CDC5L: variants seen among roughly 807,000 people sequenced by gnomAD.
The protein encoded by CDC5L is cell division cycle 5 like.
In CDC5L, 18 loss-of-function variants were observed where a neutral mutation model predicts 104.1. The ratio of observed to expected loss-of-function variants is 0.17; its 90% confidence interval spans 0.12 to 0.26. The LOEUF is 0.26. CDC5L is among the 10% of genes least tolerant of loss of function. The pLI is 1.00. For synonymous variants in CDC5L, 331 were observed against 322.7 expected (o/e 1.03, Z -0.28); for missense variants, 673 against 956.9 (o/e 0.70, Z 3.91).
chr6:44,420,288 A>C (rs1318228523), intron 9 of CDC5L, among the ~76,000 whole-genome samples: 1 of 152,052 alleles, frequency 6.6e-6, no homozygotes, highest in South Asian at 2.1e-4. Context: ...CTGTGAAGAC[A>C]TTGCCCTACC....
intron 3 of CDC5L, 31 bp from the exon 4 acceptor site, chr6:44,393,415 G>T (rs375902925): frequency 6.2e-7 from 1 of 1,606,418 alleles, no homozygotes; most frequent in Non-Finnish European, 8.5e-7. Context: ...TGGTACTGTA[G>T]TGTGACTAAC....
intron 7 of CDC5L, among the ~76,000 whole-genome samples, chr6:44,407,255 TTTCA>T (rs1371483992): frequency 6.6e-6 from 1 of 152,216 alleles, no homozygotes; most frequent in Non-Finnish European, 1.5e-5. Flanking sequence ...ACAAACATTC[TTTCA>T]TTCAGCTTAT....
intron 14 of CDC5L, among the ~76,000 whole-genome samples, chr6:44,445,088 A>C (rs920824625): frequency 6.6e-6 from 1 of 152,186 alleles, no homozygotes; most frequent in Non-Finnish European, 1.5e-5. Context: ...CACTGCCCCC[A>C]AAGGGTGCAG....
At chr6:44,446,553 A>G in intron 15 of CDC5L, 54 bp from the exon 16 acceptor site, 1 of 782,022 alleles carries the variant, frequency 1.3e-6, no homozygotes, top group Non-Finnish European at 2.0e-6. Context: ...AGTACTGTAG[A>G]TTTTTTTCAG....
intron 8 of CDC5L, among the ~76,000 whole-genome samples, chr6:44,409,466 C>A (rs1791533158): frequency 6.6e-6 from 1 of 152,302 alleles, no homozygotes; most frequent in East Asian, 1.9e-4. Flanking sequence ...CATTGCTAAA[C>A]CATGAATTAC....
At chr6:44,446,453 A>C (rs1793457899) in intron 15 of CDC5L, among the ~76,000 whole-genome samples, 154 bp from the exon 16 acceptor site, 1 of 152,256 alleles carries the variant, frequency 6.6e-6, no homozygotes, top group Non-Finnish European at 1.5e-5. Flanking sequence ...CTGGTTTTAT[A>C]GCAAAAGTAT....
chr6:44,391,484 G>A (rs1422595158), intron 2 of CDC5L, among the ~76,000 whole-genome samples: 6 of 151,926 alleles, frequency 3.9e-5, no homozygotes, highest in Non-Finnish European at 7.4e-5. Flanking sequence ...TCCTGACCTC[G>A]TGATCCATCC....
Position 44,393,283 on chromosome 6 carries a change from A to G in CDC5L, c.312-163A>G, listed in dbSNP as rs1345439054. On this transcript the variant is annotated intron_variant, in intron 3 of 15. Transcript: ENST00000371477. ...CAGTCACTGAAATCAGCAAATTTTA[A>G]TATCATTTCTTTCAGATGAAGTGAT... Among the ~76,000 whole-genome samples, 3 of 151,266 alleles carry G rather than the reference A, an allele frequency of 2.0e-5. No homozygotes were observed. The East Asian group carries it at 5.8e-4, about 29-fold the overall frequency.
At chr6:44,415,964 A>G (rs538867782) in intron 8 of CDC5L, among the ~76,000 whole-genome samples, 1 of 152,134 alleles carries the variant, frequency 6.6e-6, no homozygotes, top group East Asian at 1.9e-4. Flanking sequence ...TTTTTTGTAA[A>G]ATTTTGATAA....
rs1793587148 is a variant in CDC5L, at chr6:44,449,990, A to G, written c.*3279A>G. On this transcript the variant is annotated 3_prime_UTR_variant, in exon 16 of 16. Coordinates refer to ENST00000371477, the MANE Select transcript of CDC5L (RefSeq NM_001253.4). Reference sequence around the variant, plus strand: ...AGTGATTCTCTGCCTCAGCCTTCCAAGTAGCTGGGACTACAGGCATGTGCC... The same window carrying G: ...AGTGATTCTCTGCCTCAGCCTTCCAGGTAGCTGGGACTACAGGCATGTGCC... 2 of 151,630 alleles carry G rather than the reference A, an allele frequency of 1.3e-5. No homozygotes were observed. The allele number at this position is 151,630 out of a possible 1,614,324, so 9.4% of individuals were successfully genotyped here.
chr6:44,401,273 G>T (rs1791109858), intron 5 of CDC5L, among the ~76,000 whole-genome samples: 4 of 148,730 alleles, frequency 2.7e-5, no homozygotes, highest in African/African-American at 1.0e-4. Context: ...AGTAGGGGAT[G>T]GACAGCAGCC....
In CDC5L at chr6:44,394,539, T is replaced by A. The variant is rs570123311; in HGVS notation, c.439+966T>A. 3.9e-5 allele frequency among the ~76,000 whole-genome samples: 6 copies of A among 152,182 alleles called. No individual in the cohort carries two copies. In the South Asian group the frequency reaches 1.2e-3, roughly 32 times the overall value. ...AGAAAGTATATGGAATCAACCTAAG[T>A]GTCCATTAATGGGTGAATGGATAAA... is the stretch of plus-strand genomic sequence containing the variant. On this transcript the variant is annotated intron_variant, in intron 4 of 15. Transcript: ENST00000371477.
chr6:44,409,287 GA>G (rs1791524500), intron 8 of CDC5L, among the ~76,000 whole-genome samples: 1 of 152,132 alleles, frequency 6.6e-6, no homozygotes, highest in African/African-American at 2.4e-5. Flanking sequence ...GTTACTCATT[GA>G]CCATTTTCAG....
chr6:44,396,528 T>C, intron 5 of CDC5L, 88 bp downstream of exon 5: 3 of 791,644 alleles, frequency 3.8e-6, no homozygotes, highest in Non-Finnish European at 6.1e-6. Context: ...TATGTGGTTT[T>C]TTTTTTTTTT....
At chr6:44,428,240 T>A (rs1792516277) in intron 13 of CDC5L, among the ~76,000 whole-genome samples, 1 of 152,202 alleles carries the variant, frequency 6.6e-6, no homozygotes, top group Non-Finnish European at 1.5e-5. Flanking sequence ...TAACATTGAT[T>A]TGTTTCCATT....
At chr6:44,444,722 CTTGT>C (rs1456249073) in intron 14 of CDC5L, among the ~76,000 whole-genome samples, 1 of 152,046 alleles carries the variant, frequency 6.6e-6, no homozygotes, top group African/African-American at 2.4e-5. Context: ...AAACCACCTC[CTTGT>C]TTTTTTGATC....
At chr6:44,404,711 T>TAAAG (rs1561970110) in intron 6 of CDC5L, among the ~76,000 whole-genome samples, 5 of 152,120 alleles carry the variant, frequency 3.3e-5, no homozygotes, top group Admixed American at 3.3e-4. Flanking sequence ...ATTTTTTTTT[T>TAAAG]TAAGACAAGG....
intron 14 of CDC5L, among the ~76,000 whole-genome samples, chr6:44,432,497 G>A (rs1385241429): frequency 1.3e-5 from 2 of 151,600 alleles, no homozygotes; most frequent in Non-Finnish European, 2.9e-5. Context: ...CAGCTTTGTC[G>A]TGGCTGGTGT....
At chr6:44,409,296 C>T (rs976019635) in intron 8 of CDC5L, among the ~76,000 whole-genome samples, 2 of 152,164 alleles carry the variant, frequency 1.3e-5, no homozygotes, top group Admixed American at 1.3e-4. Context: ...TGACCATTTT[C>T]AGTTTTAGGC....
Sources: allele counts gnomAD v4.1 joint callset (sites outside exome capture counted in the v4.1 genomes callset), GRCh38; gene constraint gnomAD v4.1.1; transcripts MANE v1.5; gene names NCBI Gene and HGNC (gene_info 2026-07-23, HGNC 2026-07-21).